Variants in IFI44 observed in about 807,000 individuals in gnomAD.
IFI44 encodes interferon induced protein 44.
In IFI44, 42 loss-of-function variants were observed where a neutral mutation model predicts 45.0. The ratio of observed to expected loss-of-function variants is 0.93; its 90% CI spans 0.73 to 1.21. The LOEUF (loss-of-function observed/expected upper bound fraction) is 1.21, where lower values mean the gene tolerates loss of function less well. IFI44 is among the 50% of genes most tolerant of loss of function. The pLI, the probability that IFI44 is intolerant of heterozygous loss-of-function variation, is 0.00. For missense variants in IFI44, 623 were observed against 525.8 expected, an observed-to-expected ratio of 1.18 and a Z score of -1.81; for synonymous variants, 221 against 188.6, an observed-to-expected ratio of 1.17 and a Z score of -1.41.
At chr1:78,655,547 T>C (rs1363710260) in intron 5 of IFI44, 36 bp downstream of exon 5, 3 of 1,540,260 alleles carry the variant, frequency 1.9e-6, no homozygotes, top group Non-Finnish European at 2.7e-6. Flanking sequence ...TAACTGATTT[T>C]TAAAATGCTT....
intron 2 of IFI44, among the ~76,000 whole-genome samples, chr1:78,652,071 C>G (rs1408591792): frequency 1.3e-5 from 2 of 152,004 alleles, no homozygotes; most frequent in South Asian, 4.1e-4. Context: ...CAAGCATGCC[C>G]CCTTAATCCA....
intron 7 of IFI44, 193 bp downstream of exon 7, chr1:78,660,847 AG>A: frequency 3.5e-6 from 2 of 574,600 alleles, no homozygotes; most frequent in Non-Finnish European, 6.3e-6. Context: ...GATTAGTTCC[AG>A]GACTTTGCAT....
In IFI44 at chr1:78,662,857, G is replaced by A. The variant is rs923174602; in HGVS notation, c.1267G>A (p.Asp423Asn). ...ATGGGCTGCAGATGACTTCTTAGAG[G>A]ATTTGCCTTTTGAGCAAATAGGTAG... Reference protein sequence around the residue: ...MLWAADDFLEDLPFEQIGNLR... With the variant: ...MLWAADDFLENLPFEQIGNLR... The change falls in exon 8 of 9, where the codon GAT becomes AAT. Residue 423 changes from aspartate to asparagine, a missense_variant. Coordinates refer to ENST00000370747, the MANE Select transcript of IFI44 (RefSeq NM_006417.5). The A allele has an allele frequency of 8.1e-6, 13 of 1,608,502 alleles. No individual in the cohort carries two copies. In the Admixed American group the frequency reaches 1.0e-4, roughly 13 times the overall value.
At chr1:78,657,764 G>T (rs1647253205) in intron 5 of IFI44, among the ~76,000 whole-genome samples, 1 of 152,072 alleles carries the variant, frequency 6.6e-6, no homozygotes, top group South Asian at 2.1e-4. Context: ...ATAGGGTCAA[G>T]ATATTATTTT....
intron 8 of IFI44, chr1:78,663,166 G>A (rs1218446209): frequency 2.0e-6 from 2 of 985,082 alleles, no homozygotes; most frequent in Admixed American, 6.2e-5. Context: ...ATCCCAAGCT[G>A]TATCCCTGGC....
At chr1:78,656,800 T>G (rs1052876591) in intron 5 of IFI44, among the ~76,000 whole-genome samples, 5 of 150,904 alleles carry the variant, frequency 3.3e-5, no homozygotes, top group Non-Finnish European at 7.4e-5. Flanking sequence ...CAAGTTTTGT[T>G]TTTCTATTCA....
At chr1:78,658,169 G>T (rs941132234) in intron 5 of IFI44, among the ~76,000 whole-genome samples, 2 of 151,826 alleles carry the variant, frequency 1.3e-5, no homozygotes, top group African/African-American at 4.8e-5. Flanking sequence ...TCTATCACTC[G>T]TATATCTGCT....
At chr1:78,663,420 T>C (rs1647587409) in intron 8 of IFI44, 2 of 985,428 alleles carry the variant, frequency 2.0e-6, no homozygotes, top group South Asian at 9.4e-5. Context: ...ACATAAACTT[T>C]CTTTTAACAA....
intron 5 of IFI44, among the ~76,000 whole-genome samples, chr1:78,656,309 A>G (rs572159503): frequency 3.9e-5 from 6 of 152,340 alleles, no homozygotes; most frequent in Admixed American, 3.3e-4. Context: ...CCATCTAAGT[A>G]TATATTTTTT....
At chr1:78,658,756 A>G (rs1421087138) in intron 5 of IFI44, among the ~76,000 whole-genome samples, 1 of 152,196 alleles carries the variant, frequency 6.6e-6, no homozygotes, top group African/African-American at 2.4e-5. Flanking sequence ...GAGAAGTGGT[A>G]GAAAACTATG....
chr1:78,657,620 A>G (rs1284913228), intron 5 of IFI44, among the ~76,000 whole-genome samples: 1 of 152,172 alleles, frequency 6.6e-6, no homozygotes, highest in Non-Finnish European at 1.5e-5. Flanking sequence ...CATTTCACAT[A>G]TGAAAGGAAG....
At position 78,650,522 on chromosome 1, in the gene IFI44, C is replaced by G. The variant is rs144790373; in HGVS notation, c.327C>G (p.Asn109Lys). The change falls in exon 2 of 9, where the codon AAC becomes AAG. Residue 109 changes from asparagine to lysine, a missense_variant. Transcript: ENST00000370747. ...TLFCCDVTKY[N>K]SPTNFQIDGR... Reference sequence around the variant, plus strand: ...TTTGTTGTGATGTTACAAAATATAACTCCCCAACTAATTTCCAGATAGATG... The same window carrying G: ...TTTGTTGTGATGTTACAAAATATAAGTCCCCAACTAATTTCCAGATAGATG... The G allele has an allele frequency of 6.2e-7, 1 of 1,613,462 alleles. No individual in the cohort carries two copies.
At chr1:78,660,361 C>T (rs1647376522) in intron 6 of IFI44, among the ~76,000 whole-genome samples, 193 bp from the exon 7 acceptor site, 1 of 152,050 alleles carries the variant, frequency 6.6e-6, no homozygotes, top group African/African-American at 2.4e-5. Context: ...AGGTGACTCC[C>T]CATGTCAGAG....
intron 7 of IFI44, among the ~76,000 whole-genome samples, chr1:78,661,169 T>C (rs1363381905): frequency 6.6e-6 from 1 of 152,112 alleles, no homozygotes; most frequent in African/African-American, 2.4e-5. Flanking sequence ...TTCAAGTGAT[T>C]CTCCTGCCTC....
chr1:78,658,312 A>G (rs1456102699), intron 5 of IFI44, among the ~76,000 whole-genome samples: 1 of 152,072 alleles, frequency 6.6e-6, no homozygotes, highest in Non-Finnish European at 1.5e-5. Flanking sequence ...ACCATGAACA[A>G]TCTCATCATA....
chr1:78,655,923 C>T (rs1382999362), intron 5 of IFI44, among the ~76,000 whole-genome samples: 3 of 152,078 alleles, frequency 2.0e-5, no homozygotes, highest in African/African-American at 7.2e-5. Context: ...GTCCCTAGTC[C>T]TCAATGTGAT....
At chr1:78,653,161 T>C (rs1647150699) in intron 2 of IFI44, among the ~76,000 whole-genome samples, 1 of 152,084 alleles carries the variant, frequency 6.6e-6, no homozygotes, top group South Asian at 2.1e-4. Flanking sequence ...TTTCTCTTTA[T>C]ATTTGTGTGG....
At chr1:78,654,669 A>G (rs1647179591) in intron 3 of IFI44, among the ~76,000 whole-genome samples, 1 of 151,932 alleles carries the variant, frequency 6.6e-6, no homozygotes, top group Admixed American at 6.6e-5. Context: ...CAGAAGTCAT[A>G]TATATTGTGA....
intron 2 of IFI44, among the ~76,000 whole-genome samples, chr1:78,653,547 C>T (rs918419489): frequency 3.9e-5 from 6 of 152,066 alleles, no homozygotes; most frequent in Non-Finnish European, 7.4e-5. Context: ...TTGGTAGCAT[C>T]GCTTATCCTT....
Sources: gnomAD v4.1 joint callset for allele counts (sites outside exome capture counted in the v4.1 genomes callset) on GRCh38, gnomAD v4.1.1 for gene constraint, MANE v1.5 for transcripts, NCBI Gene and HGNC (gene_info 2026-07-23, HGNC 2026-07-21) for gene names.